DAB2IP: variants seen among roughly 807,000 people sequenced by gnomAD.
DAB2IP encodes disabled homolog 2-interacting protein.
In DAB2IP, 28 loss-of-function variants were observed where a neutral mutation model predicts 107.2. The observed-to-expected ratio is 0.26, with a 90% CI of 0.19 to 0.36. The LOEUF is 0.36. Ranked by LOEUF, DAB2IP falls within the 10% of genes least tolerant of loss-of-function variation. The pLI, the probability that DAB2IP is intolerant of heterozygous loss-of-function variation, is 1.00. For missense variants in DAB2IP, 1,400 were observed against 1,644.7 expected (o/e 0.85, Z 2.57); for synonymous variants, 755 against 706.4 (o/e 1.07, Z -1.09).
At chr9:121,571,821 A>T (rs989317751) in intron 1 of DAB2IP, among the ~76,000 whole-genome samples, 1 of 152,106 alleles carries the variant, frequency 6.6e-6, no homozygotes, top group Admixed American at 6.5e-5. Flanking sequence ...AGAAGGGCTC[A>T]GACACAGCTG....
chr9:121,714,987 C>A (rs1830520649), intron 3 of DAB2IP, among the ~76,000 whole-genome samples: 1 of 152,240 alleles, frequency 6.6e-6, no homozygotes, highest in Non-Finnish European at 1.5e-5. Flanking sequence ...TCTCGTTTCA[C>A]AAGCGAGGAA....
At chr9:121,766,434 G>A in intron 8 of DAB2IP, 60 bp from the exon 9 acceptor site, 1 of 1,498,944 alleles carries the variant, frequency 6.7e-7, no homozygotes, top group Non-Finnish European at 9.1e-7. Flanking sequence ...CCTGCTCTGT[G>A]CACTCCTGTC....
At chr9:121,783,670 C>A in exon 16 of DAB2IP, 1 of 1,265,598 alleles carries the variant, frequency 7.9e-7, no homozygotes, top group Non-Finnish European at 1.1e-6. Flanking sequence ...CAGCAGCAGC[C>A]TGCACCTGCC....
chr9:121,698,913 C>G lies in DAB2IP; in HGVS notation c.229-412C>G, dbSNP rs1047994139. Among the ~76,000 whole-genome samples, 2 of 152,002 alleles carry G rather than the reference C, an allele frequency of 1.3e-5. No individual in the cohort carries two copies. Among genetic ancestry groups the G allele is most frequent in the Non-Finnish European group, 2.9e-5 (2 of 67,918 alleles). On this transcript the variant is annotated intron_variant, in intron 2 of 15. Coordinates refer to ENST00000408936, the Ensembl canonical transcript of DAB2IP. This position sits in a 1 kb window ranked among gnomAD's most constrained non-coding sequence, Gnocchi z 4.1. ...CGCACGGGGAGGACAAGCTCGGAGGCGGCAGGGAGGTGAGCGGGGCGGCCG... is the reference window on the plus strand; with the variant it reads ...CGCACGGGGAGGACAAGCTCGGAGGGGGCAGGGAGGTGAGCGGGGCGGCCG...
chr9:121,754,095 G>T (rs1476561654), intron 3 of DAB2IP, among the ~76,000 whole-genome samples: 1 of 152,220 alleles, frequency 6.6e-6, no homozygotes, highest in Non-Finnish European at 1.5e-5. Context: ...TGGCTTCCCA[G>T]AGAGGTGGTT....
At chr9:121,615,066 T>A (rs1292870706) in intron 1 of DAB2IP, among the ~76,000 whole-genome samples, 1 of 152,144 alleles carries the variant, frequency 6.6e-6, no homozygotes, top group Non-Finnish European at 1.5e-5. Context: ...TCAAGCACTG[T>A]GCCCTCCATG....
At chr9:121,683,556 T>C (rs1390107234) in intron 2 of DAB2IP, among the ~76,000 whole-genome samples, 1 of 152,158 alleles carries the variant, frequency 6.6e-6, no homozygotes, top group African/African-American at 2.4e-5. Context: ...GGCTATTTTT[T>C]GCGAGATGGA....
intron 1 of DAB2IP, among the ~76,000 whole-genome samples, chr9:121,607,523 C>A (rs548791783): frequency 2.0e-5 from 3 of 152,146 alleles, no homozygotes; most frequent in South Asian, 2.1e-4. Context: ...GGCTGGCGAA[C>A]TCCTGGCCTC....
intron 2 of DAB2IP, among the ~76,000 whole-genome samples, chr9:121,680,209 G>C (rs1350026103): frequency 1.3e-5 from 2 of 152,178 alleles, no homozygotes; most frequent in East Asian, 1.9e-4. Context: ...AGGTCACGTG[G>C]AACCTCCAGT....
chr9:121,673,686 A>G (rs2119122916), intron 1 of DAB2IP, among the ~76,000 whole-genome samples: 1 of 152,344 alleles, frequency 6.6e-6, no homozygotes, highest in East Asian at 1.9e-4. Context: ...TCCAGAACCC[A>G]GCGATCCATG....
At chr9:121,658,244 T>C (rs1450379075) in intron 1 of DAB2IP, among the ~76,000 whole-genome samples, 1 of 152,224 alleles carries the variant, frequency 6.6e-6, no homozygotes, top group East Asian at 1.9e-4. Flanking sequence ...ATATTTCCCC[T>C]GCACCTCCCT....
At chr9:121,569,645 C>T (rs1176261860) in intron 1 of DAB2IP, among the ~76,000 whole-genome samples, 4 of 152,136 alleles carry the variant, frequency 2.6e-5, no homozygotes, top group African/African-American at 9.7e-5. Context: ...CATGGTGAAA[C>T]CCCATCTCTA....
chr9:121,781,414 AC>A, intron 14 of DAB2IP, 49 bp from the exon 15 acceptor site: 1 of 1,586,402 alleles, frequency 6.3e-7, no homozygotes, highest in Non-Finnish European at 8.6e-7. Context: ...CACCCTCCCC[AC>A]CTCTGCTGCC....
intron 3 of DAB2IP, among the ~76,000 whole-genome samples, chr9:121,712,421 C>T (rs1179895684): frequency 1.3e-5 from 2 of 152,172 alleles, no homozygotes; most frequent in Non-Finnish European, 2.9e-5. Context: ...GCAATGAGGG[C>T]CAGTTTTCAG....
intron 1 of DAB2IP, among the ~76,000 whole-genome samples, chr9:121,631,872 C>T (rs529716965): frequency 2.9e-4 from 43 of 150,418 alleles, no homozygotes; most frequent in African/African-American, 9.8e-4. Flanking sequence ...CCCAGGGAAC[C>T]GTGGCAGGGC....
intron 1 of DAB2IP, among the ~76,000 whole-genome samples, chr9:121,606,595 T>C (rs1304176953): frequency 6.6e-6 from 1 of 151,688 alleles, no homozygotes; most frequent in Non-Finnish European, 1.5e-5. Context: ...GGGCTCAGAG[T>C]GGCTGTTGGA....
chr9:121,657,447 C>G (rs1833013524), intron 1 of DAB2IP, among the ~76,000 whole-genome samples: 1 of 152,196 alleles, frequency 6.6e-6, no homozygotes, highest in African/African-American at 2.4e-5. Context: ...GTGCCCGGCC[C>G]CATGCCAAGA....
At chr9:121,780,138 G>C (rs1835500543) in intron 14 of DAB2IP, among the ~76,000 whole-genome samples, 1 of 152,174 alleles carries the variant, frequency 6.6e-6, no homozygotes, top group African/African-American at 2.4e-5. Context: ...CTCCCTCCCT[G>C]GCCTCCCAAA....
chr9:121,653,079 C>T (rs1832818685), intron 1 of DAB2IP, among the ~76,000 whole-genome samples: 1 of 152,082 alleles, frequency 6.6e-6, no homozygotes, highest in Admixed American at 6.5e-5. Context: ...CCTGCAATCC[C>T]CCCACTCCTG....
Sources: allele counts gnomAD v4.1 joint callset (sites outside exome capture counted in the v4.1 genomes callset), GRCh38; gene constraint gnomAD v4.1.1; non-coding constraint Gnocchi (gnomAD v3.1); transcripts MANE v1.5; gene names NCBI Gene and HGNC (gene_info 2026-07-23, HGNC 2026-07-21).